The following ZDHHC20 variants were observed in gnomAD, a reference collection of about 807,000 sequenced individuals.
ZDHHC20 encodes palmitoyltransferase ZDHHC20.
In ZDHHC20, 43 loss-of-function variants were observed where a neutral mutation model predicts 57.8. That is an observed-to-expected ratio of 0.74 (90% confidence interval 0.58 to 0.96). The LOEUF is 0.96. Ranked by LOEUF, ZDHHC20 falls within the 40% of genes least tolerant of loss-of-function variation. The pLI is 0.00. For missense variants in ZDHHC20, 391 were observed against 441.1 expected (o/e 0.89, Z 1.02); for synonymous variants, 157 against 153.0 (o/e 1.03, Z -0.19).
At chr13:21,441,270 C>G (rs1049246525) in intron 1 of ZDHHC20, among the ~76,000 whole-genome samples, 2 of 151,444 alleles carry the variant, frequency 1.3e-5, no homozygotes, top group Admixed American at 6.6e-5. Context: ...CATTTTGGGT[C>G]TTTTAAGAAT....
At chr13:21,417,778 C>A (rs1566092618) in intron 3 of ZDHHC20, among the ~76,000 whole-genome samples, 1 of 152,112 alleles carries the variant, frequency 6.6e-6, no homozygotes, top group Non-Finnish European at 1.5e-5. Flanking sequence ...TCCCCTAGAC[C>A]TAGATCTCCA....
chr13:21,449,507 G>A (rs1884233792), intron 1 of ZDHHC20, among the ~76,000 whole-genome samples: 1 of 152,184 alleles, frequency 6.6e-6, no homozygotes, highest in Non-Finnish European at 1.5e-5. Flanking sequence ...GGCAGAAGAT[G>A]TCTTGAGGCC....
At position 21,375,574 on chromosome 13, in the gene ZDHHC20, T is replaced by C. The variant is rs1050577431; in HGVS notation, c.*1122A>G. The C allele has an allele frequency of 3.9e-5, 6 of 154,236 alleles. No homozygotes were observed. The highest frequency in any genetic ancestry group is 7.2e-5 in the Non-Finnish European group (5 of 69,302). The allele number at this position is 154,236 out of a possible 1,614,324, so 9.6% of individuals were successfully genotyped here. ...AATCCACTTCTCAAGAGACTGGGAA[T>C]GTAAAATGACCACTCAGGTTAGAAT... On this transcript the variant is annotated 3_prime_UTR_variant, in exon 13 of 13. Coordinates refer to ENST00000400590, the MANE Select transcript of ZDHHC20 (RefSeq NM_001330059.2).
Position 21,459,233 on chromosome 13 carries a change from G to A in ZDHHC20, c.-62C>T. 1 of 1,352,202 alleles carries A rather than the reference G, an allele frequency of 7.4e-7. No individual in the cohort carries two copies. Among genetic ancestry groups the A allele is most frequent in the Non-Finnish European group, 1.0e-6 (1 of 990,742 alleles). The allele number at this position is 1,352,202 out of a possible 1,614,324, so 83.8% of individuals were successfully genotyped here. On this transcript the variant is annotated 5_prime_UTR_variant, in exon 1 of 13. Transcript: ENST00000400590. ...TTCTGGGGAGCGCGGGAGCCCCGGC[G>A]ACGGTGACTCGGACGCTCCAGGCGG...
intron 1 of ZDHHC20, among the ~76,000 whole-genome samples, chr13:21,439,347 A>AAT (rs141918886): frequency 0.03 from 4,548 of 152,134 alleles, 97 homozygotes; most frequent in Non-Finnish European, 0.045. Flanking sequence ...AAAAATTTCA[A>AAT]ATATTAGCCA....
intron 1 of ZDHHC20, among the ~76,000 whole-genome samples, chr13:21,439,376 T>C (rs962935394): frequency 6.6e-6 from 1 of 152,116 alleles, no homozygotes; most frequent in Non-Finnish European, 1.5e-5. Context: ...GGCATATGCC[T>C]GTGGTCTCAG....
In ZDHHC20 at chr13:21,402,778, A is replaced by G; in HGVS notation, c.440+19T>C. The G allele has an allele frequency of 6.3e-7, 1 of 1,583,598 alleles. No individual in the cohort carries two copies. The highest frequency in any genetic ancestry group is 8.6e-7 in the Non-Finnish European group (1 of 1,163,084). ...ATTTCCAGTGCTAGATATTAAGCAT[A>G]TGTGTGAGTAACACTTACGAGTCAC... On this transcript the variant is annotated intron_variant, in intron 5 of 12. Coordinates refer to ENST00000400590, the MANE Select transcript of ZDHHC20 (RefSeq NM_001330059.2).
In ZDHHC20 at chr13:21,448,190, TG is replaced by T. The variant is rs1221798916; in HGVS notation, c.118+10863del. On this transcript the variant is annotated intron_variant, in intron 1 of 12. Coordinates refer to ENST00000400590, the MANE Select transcript of ZDHHC20 (RefSeq NM_001330059.2). The stretch of plus-strand genomic sequence containing the variant: ...GCAGCCACCCCGTCCGGGAGGGAGG[TG>T]GGGGGGGTCAGCCCCCCGCCCGGCC... 3.5e-4 allele frequency among the ~76,000 whole-genome samples: 22 copies of T among 62,278 alleles called. 1 individual carries two copies. Among genetic ancestry groups the T allele is most frequent in the Admixed American group, 6.0e-4 (4 of 6,680 alleles). The allele number at this position is 62,278 out of a possible 152,430, so 40.9% of individuals were successfully genotyped here. A position where few individuals can be genotyped will look rare whatever the true frequency, so the allele number is the denominator to read the frequency against.
intron 4 of ZDHHC20, among the ~76,000 whole-genome samples, chr13:21,410,089 A>C (rs904916981): frequency 6.6e-6 from 1 of 151,976 alleles, no homozygotes; most frequent in Admixed American, 6.6e-5. Context: ...CTTTCTGTTG[A>C]TGTTGATGCT....
At chr13:21,421,883 A>C (rs752357856) in intron 2 of ZDHHC20, among the ~76,000 whole-genome samples, 1 of 152,186 alleles carries the variant, frequency 6.6e-6, no homozygotes, top group African/African-American at 2.4e-5. Flanking sequence ...GAAGATAATA[A>C]ATTCAGACAA....
At chr13:21,436,667 T>C (rs1882580614) in intron 1 of ZDHHC20, among the ~76,000 whole-genome samples, 1 of 152,170 alleles carries the variant, frequency 6.6e-6, no homozygotes, top group African/African-American at 2.4e-5. Flanking sequence ...TCCTTGGGCC[T>C]CCCTATTTCC....
Position 21,401,637 on chromosome 13 carries a change from G to GTT in ZDHHC20, c.473+14_473+15dup. 1 of 1,533,392 alleles carries GTT rather than the reference G, an allele frequency of 6.5e-7. No homozygotes were observed. Among genetic ancestry groups the GTT allele is most frequent in the Non-Finnish European group, 8.8e-7 (1 of 1,142,436 alleles). 95.0% of individuals were successfully genotyped at this position (1,533,392 alleles called of 1,614,324 possible). ...TCTCACCACCAATGCAATTTCTTCT[G>GTT]TTTTTTTATACATACCAAGGACAGT... On this transcript the variant is annotated intron_variant, in intron 6 of 12. Transcript: ENST00000400590.
chr13:21,459,089 C>G lies in ZDHHC20; in HGVS notation c.83G>C (p.Trp28Ser). 6.2e-7 allele frequency: 1 copy of G among 1,606,772 alleles called. No individual in the cohort carries two copies. The highest frequency in any genetic ancestry group is 1.7e-5 in the Admixed American group (1 of 59,416). The change falls in exon 1 of 13, where the codon TGG (tryptophan) becomes TCG (serine). Residue 28 changes from tryptophan to serine, a missense_variant. By Grantham distance (177) the Trp-to-Ser change is radical. Transcript: ENST00000400590. ...PVLFITFVVV[W>S]SYYAYVVELC... is the part of the protein sequence containing the mutation. ...CTCCACCACGTACGCGTAGTAGGAC[C>G]AGACGACCACGAAGGTGATGAAGAG...
At position 21,376,499 on chromosome 13, in the gene ZDHHC20, T is replaced by G; in HGVS notation, c.*197A>C. ...TGGACACTTAAGATTAAGGCATCAT[T>G]CTGCTCTGGAGTAGTGCTTCTGTGA... On this transcript the variant is annotated 3_prime_UTR_variant, in exon 13 of 13. Coordinates refer to ENST00000400590, the MANE Select transcript of ZDHHC20 (RefSeq NM_001330059.2). 4.5e-6 allele frequency: 2 copies of G among 442,236 alleles called. No individual in the cohort carries two copies. The highest frequency in any genetic ancestry group is 6.5e-4 in the Middle Eastern group (1 of 1,540). The allele number at this position is 442,236 out of a possible 1,614,324, so 27.4% of individuals were successfully genotyped here. A position where few individuals can be genotyped will look rare whatever the true frequency, so the allele number is the denominator to read the frequency against.
intron 1 of ZDHHC20, among the ~76,000 whole-genome samples, chr13:21,448,430 C>CG (rs1884068680): frequency 1.8e-5 from 2 of 109,442 alleles, no homozygotes; most frequent in Non-Finnish European, 4.4e-5. Flanking sequence ...GGGTCAGCCC[C>CG]CCGCCCGGCC....
chr13:21,381,084 G>T (rs1162743381), intron 11 of ZDHHC20, among the ~76,000 whole-genome samples: 1 of 151,822 alleles, frequency 6.6e-6, no homozygotes, highest in Admixed American at 6.6e-5. Flanking sequence ...TCAGCTCACT[G>T]CAAGCTCCGC....
rs149444559 is a variant in ZDHHC20 at position 21,394,304 on chromosome 13, C to T, written c.595-2450G>A. Among the ~76,000 whole-genome samples the T allele has an allele frequency of 6.4e-3, 974 of 152,284 alleles. 10 individuals carry two copies. The highest frequency in any genetic ancestry group is 0.022 in the African/African-American group (928 of 41,540). On this transcript the variant is annotated intron_variant, in intron 7 of 12. Transcript: ENST00000400590. ...CCTGAATGCTCTTCTCTCAGATATC[C>T]ATTAATTCCCTTCAAGTTTTTGCTT...
At chr13:21,448,421 G>A (rs1293503417) in intron 1 of ZDHHC20, among the ~76,000 whole-genome samples, 7 of 112,814 alleles carry the variant, frequency 6.2e-5, no homozygotes, top group Non-Finnish European at 1.2e-4. Flanking sequence ...GAGGTGGGGG[G>A]GTCAGCCCCC....
chr13:21,415,929 G>A (rs930366179), intron 3 of ZDHHC20, among the ~76,000 whole-genome samples: 5 of 152,058 alleles, frequency 3.3e-5, no homozygotes, highest in African/African-American at 1.2e-4. Context: ...TGGGCTGGGT[G>A]TGGTGGCTCA....
Sources: allele counts gnomAD v4.1 joint callset (sites outside exome capture counted in the v4.1 genomes callset), GRCh38; gene constraint gnomAD v4.1.1; transcripts MANE v1.5; gene names NCBI Gene and HGNC (gene_info 2026-07-23, HGNC 2026-07-21).